Variants in RPL7 observed in about 807,000 individuals in gnomAD.
RPL7 encodes ribosomal protein L7.
For missense variants in RPL7, 205 were observed against 301.9 expected (o/e 0.68, Z 2.38); for synonymous variants, 100 against 102.2 (o/e 0.98, Z 0.13).
Position 73,292,297 on chromosome 8 carries a change from C to G in RPL7, c.232G>C (p.Ala78Pro). ...EIRMARMARK[A>P]GNFYVPAEPK... ...TCTGCAGGTACATAGAAGTTGCCAG[C>G]TTTTCTTGCCATCCTCGCCATTCGA... is the stretch of plus-strand genomic sequence containing the variant. Residue 78 changes from alanine to proline, a missense_variant, in exon 3 of 7, where the codon GCT becomes CCT. Transcript: ENST00000352983. 6.2e-7 allele frequency: 1 copy of G among 1,612,252 alleles called. No individual in the cohort carries two copies. Among genetic ancestry groups the G allele is most frequent in the Non-Finnish European group, 8.5e-7 (1 of 1,179,572 alleles).
intron 2 of RPL7, 34 bp downstream of exon 2, chr8:73,292,655 C>T (rs751535126): frequency 6.7e-7 from 1 of 1,502,928 alleles, no homozygotes; most frequent in South Asian, 1.2e-5. Flanking sequence ...TAAGGCGCCT[C>T]CTTATGTGCT....
rs374269827 is a variant in RPL7 at position 73,293,605 on chromosome 8, C to G, written c.8G>C (p.Gly3Ala). 9 of 1,613,802 alleles carry G rather than the reference C, an allele frequency of 5.6e-6. No homozygotes were observed. Among genetic ancestry groups the G allele is most frequent in the African/African-American group, 1.3e-5 (1 of 74,902 alleles). ME[G>A]VEEKKKEVPA... is the part of the protein sequence containing the mutation. ...AGGACCAGAAGCAACTCACTCTACA[C>G]CCTCCATGGTTCCAGCCGGAAAAAG... The change falls in exon 1 of 7, where the codon GGT becomes GCT. Residue 3 changes from glycine (G) to alanine (A), a missense_variant. Transcript: ENST00000352983.
At chr8:73,292,588 T>C (rs915843635) in intron 2 of RPL7, 101 bp downstream of exon 2, 2 of 1,057,424 alleles carry the variant, frequency 1.9e-6, no homozygotes, top group African/African-American at 1.6e-5. Context: ...AAGCAATTAC[T>C]CAGTACAGTT....
upstream of RPL7, chr8:73,293,639 G>T: frequency 6.2e-7 from 1 of 1,613,348 alleles, no homozygotes; most frequent in Non-Finnish European, 8.5e-7. Flanking sequence ...AGAGGAAGTT[G>T]GCGCATGCGT....
upstream of RPL7, chr8:73,293,661 A>C (rs773213815): frequency 6.2e-7 from 1 of 1,611,076 alleles, no homozygotes; most frequent in Admixed American, 1.7e-5. Flanking sequence ...CTGTCCACTT[A>C]AAGACTTCGC....
At chr8:73,290,825 T>A (rs1814079060) in intron 6 of RPL7, 120 bp from the exon 7 acceptor site, 1 of 526,976 alleles carries the variant, frequency 1.9e-6, no homozygotes, top group Non-Finnish European at 3.4e-6. Context: ...TTTCCATCTT[T>A]AAAGACTCCC....
At chr8:73,291,395 T>A (rs1031992567) in intron 5 of RPL7, 143 bp from the exon 6 acceptor site, 16 of 852,014 alleles carry the variant, frequency 1.9e-5, no homozygotes, top group Non-Finnish European at 2.9e-5. Flanking sequence ...AAGATAAGGT[T>A]CAAGCTAATG....
At chr8:73,293,917 C>A, upstream of RPL7, 1 of 362,166 alleles carries the variant, frequency 2.8e-6, no homozygotes, top group Non-Finnish European at 5.3e-6. Context: ...GATTAGGCTC[C>A]GTTCCTCCCC....
At chr8:73,290,800 TTTA>T in intron 6 of RPL7, 95 bp from the exon 7 acceptor site, 1 of 470,094 alleles carries the variant, frequency 2.1e-6, no homozygotes, top group Non-Finnish European at 3.8e-6. Context: ...AGTTTACATT[TTTA>T]AGACCACCCA....
chr8:73,293,320 C>A (rs1814154594), intron 1 of RPL7: 1 of 467,708 alleles, frequency 2.1e-6, no homozygotes, highest in East Asian at 4.0e-5. Context: ...GCGCCTCCCC[C>A]GAAAGACCCT....
At position 73,291,785 on chromosome 8, in the gene RPL7, T is replaced by C. The variant is rs1814102800; in HGVS notation, c.416A>G (p.Tyr139Cys). ...SINMLRIVEP[Y>C]IAWGYPNLKS... ...AAAAGAGACTTACCCCCATGCAATATATGGCTCTACAATCCTCAGCATGTT... is the reference window on the plus strand; with the variant it reads ...AAAAGAGACTTACCCCCATGCAATACATGGCTCTACAATCCTCAGCATGTT... Residue 139 changes from tyrosine to cysteine, a missense_variant, in exon 4 of 7, where the codon TAT becomes TGT. By Grantham distance (194) the Tyr-to-Cys change is radical (BLOSUM62 -2). Coordinates refer to ENST00000352983, the MANE Select transcript of RPL7 (RefSeq NM_000971.4). 1 of 1,606,814 alleles carries C rather than the reference T, an allele frequency of 6.2e-7. No homozygotes were observed. The highest frequency in any genetic ancestry group is 2.2e-5 in the East Asian group (1 of 44,614).
At chr8:73,293,895 C>A (rs1475057690), upstream of RPL7, 1 of 410,504 alleles carries the variant, frequency 2.4e-6, no homozygotes, top group Non-Finnish European at 4.6e-6. Context: ...AATCCCCAGG[C>A]TGCGCTGACA....
chr8:73,291,947 C>T, intron 3 of RPL7, 37 bp from the exon 4 acceptor site: 2 of 1,600,450 alleles, frequency 1.2e-6, no homozygotes, highest in Middle Eastern at 1.7e-4. Context: ...ATTTGCCTTT[C>T]ATCGAAATTT....
At chr8:73,292,634 C>T (rs1814129642) in intron 2 of RPL7, 55 bp downstream of exon 2, 1 of 1,330,472 alleles carries the variant, frequency 7.5e-7, no homozygotes. Flanking sequence ...TCACCTCATC[C>T]TCAATCCCAA....
intron 6 of RPL7, 82 bp downstream of exon 6, chr8:73,290,961 T>A: frequency 9.6e-7 from 1 of 1,044,596 alleles, no homozygotes; most frequent in Non-Finnish European, 1.5e-6. Context: ...CCCCCATCAA[T>A]ATTTAATGGG....
chr8:73,293,660 TAA>T, upstream of RPL7: 1 of 1,611,224 alleles, frequency 6.2e-7, no homozygotes, highest in Non-Finnish European at 8.5e-7. Context: ...ACTGTCCACT[TAA>T]AGACTTCGCG....
rs1422500506 is a variant in RPL7, at chr8:73,291,161, G to A, written c.630C>T (p.Pro210=). 27 of 1,606,534 alleles carry A rather than the reference G, an allele frequency of 1.7e-5. No individual in the cohort carries two copies. Among genetic ancestry groups the A allele is most frequent in the Non-Finnish European group, 2.3e-5 (27 of 1,173,454 alleles). Residue 210 remains proline (P), a synonymous_variant, in exon 6 of 7, where the codon CCC becomes CCT. Coordinates refer to ENST00000352983, the MANE Select transcript of RPL7 (RefSeq NM_000971.4). ...RFKEANNFLW[P]FKLSSPRGGM... ...CACCTCGTGGAGAAGACAATTTGAA[G>A]GGCCACAGGAAGTTATTTGCCTCTT...
rs1219174678 is a variant in RPL7 at position 73,290,393 on chromosome 8, G to A, written c.*314C>T. ...ATCATGTACAAATGCTTGTGAAACA[G>A]GCTTTCTTAGAATAAACCCATTTCG... On this transcript the variant is annotated 3_prime_UTR_variant, in exon 7 of 7. Transcript: ENST00000352983. 1 of 152,140 alleles carries A rather than the reference G, an allele frequency of 6.6e-6. No homozygotes were observed. Among genetic ancestry groups the A allele is most frequent in the African/African-American group, 2.4e-5 (1 of 41,426 alleles). The allele number at this position is 152,140 out of a possible 1,614,324, so 9.4% of individuals were successfully genotyped here.
At chr8:73,293,645 T>G (rs541215357), upstream of RPL7, 2 of 1,613,034 alleles carry the variant, frequency 1.2e-6, no homozygotes, top group African/African-American at 2.7e-5. Context: ...AGTTGGCGCA[T>G]GCGTACTGTC....
Sources: allele counts gnomAD v4.1 joint callset, GRCh38; gene constraint gnomAD v4.1.1; transcripts MANE v1.5; gene names NCBI Gene and HGNC (gene_info 2026-07-23, HGNC 2026-07-21).